Variants in RELN observed in about 807,000 individuals in gnomAD.
The protein encoded by RELN is reelin.
In RELN, 108 loss-of-function variants were observed where a neutral mutation model predicts 427.6. That is an observed-to-expected ratio of 0.25 (90% CI 0.22 to 0.30). The LOEUF is 0.30. Among genes scored for constraint, RELN ranks in the 10% least tolerant of loss-of-function variants. The pLI, the probability that RELN is intolerant of heterozygous loss-of-function variation, is 1.00. For synonymous variants in RELN, 1,524 were observed against 1,513.4 expected (o/e 1.01, Z -0.16); for missense variants, 3,715 against 4,302.8 (o/e 0.86, Z 3.82).
intron 2 of RELN, among the ~76,000 whole-genome samples, chr7:103,864,637 C>A (rs1039109890): frequency 4.6e-5 from 7 of 152,036 alleles, no homozygotes; most frequent in Middle Eastern, 3.2e-3. Context: ...CTTAAATAAG[C>A]AACCTAACTT....
In RELN at chr7:103,762,333, T is replaced by C. The variant is rs560693663; in HGVS notation, c.545-9119A>G. Among the ~76,000 whole-genome samples, 16 of 152,326 alleles carry C rather than the reference T, an allele frequency of 1.1e-4. No homozygotes were observed. The East Asian group carries it at 3.1e-3, about 29-fold the overall frequency. On this transcript the variant is annotated intron_variant, in intron 4 of 64. Coordinates refer to ENST00000428762, the MANE Select transcript of RELN (RefSeq NM_005045.4). ...TTCAAACTGGTTTATGACTAAGAAATAAACTTCTAGTCATTTAACCCACCC... is the reference window on the plus strand; with the variant it reads ...TTCAAACTGGTTTATGACTAAGAAACAAACTTCTAGTCATTTAACCCACCC...
At chr7:103,530,821 C>T (rs569022879) in intron 46 of RELN, among the ~76,000 whole-genome samples, 1 of 152,330 alleles carries the variant, frequency 6.6e-6, no homozygotes, top group African/African-American at 2.4e-5. Context: ...TATCATCTCC[C>T]ATTTCTTGAT....
At chr7:103,874,195 T>C (rs1794420719) in intron 2 of RELN, among the ~76,000 whole-genome samples, 4 of 124,772 alleles carry the variant, frequency 3.2e-5, no homozygotes, top group Non-Finnish European at 7.0e-5. Flanking sequence ...TAGGTATTGA[T>C]GGGATGTATT....
At chr7:103,739,072 T>C (rs547736034) in intron 6 of RELN, among the ~76,000 whole-genome samples, 9 of 152,194 alleles carry the variant, frequency 5.9e-5, no homozygotes, top group Non-Finnish European at 1.3e-4. Flanking sequence ...CGAATGTTAA[T>C]AGTATTCAAT....
intron 3 of RELN, among the ~76,000 whole-genome samples, chr7:103,830,750 T>C (rs1793255110): frequency 6.6e-6 from 1 of 152,028 alleles, no homozygotes; most frequent in Admixed American, 6.6e-5. Flanking sequence ...TCTCCTGTAC[T>C]CTCTCACAAA....
chr7:103,754,467 G>T (rs1156582628), intron 4 of RELN, among the ~76,000 whole-genome samples: 1 of 151,904 alleles, frequency 6.6e-6, no homozygotes, highest in East Asian at 1.9e-4. Context: ...GAGTCACTCA[G>T]AGAGAATGTA....
At position 103,654,192 on chromosome 7, in the gene RELN, G is replaced by A; in HGVS notation, c.1455C>T (p.Asp485=). 6.2e-7 allele frequency: 1 copy of A among 1,609,468 alleles called. No individual in the cohort carries two copies. Among genetic ancestry groups the A allele is most frequent in the Non-Finnish European group, 8.5e-7 (1 of 1,176,382 alleles). The part of the protein sequence containing the change: ...RFYFVMGGIC[D]PGNSHENDII... ...TGTCATTTTCATGAGAATTTCCAGGGTCACAAATTCCTCCTGCACAAAACA... is the reference window on the plus strand; with the variant it reads ...TGTCATTTTCATGAGAATTTCCAGGATCACAAATTCCTCCTGCACAAAACA... Residue 485 remains aspartate, a synonymous_variant, in exon 13 of 65, where the codon GAC becomes GAT. Coordinates refer to ENST00000428762, the MANE Select transcript of RELN (RefSeq NM_005045.4).
intron 47 of RELN, among the ~76,000 whole-genome samples, chr7:103,522,931 C>T: frequency 6.6e-6 from 1 of 151,678 alleles, no homozygotes; most frequent in Non-Finnish European, 1.5e-5. Context: ...CATCAAATAC[C>T]TCTGGTAAAT....
chr7:103,925,559 A>C (rs1795713783), intron 1 of RELN, among the ~76,000 whole-genome samples: 1 of 152,146 alleles, frequency 6.6e-6, no homozygotes, highest in African/African-American at 2.4e-5. Context: ...TTGGCCCTGC[A>C]CTCAATAAAT....
intron 1 of RELN, among the ~76,000 whole-genome samples, chr7:103,928,775 C>A (rs1037237527): frequency 6.6e-5 from 10 of 152,118 alleles, no homozygotes; most frequent in African/African-American, 1.9e-4. Flanking sequence ...AGGACTGAAA[C>A]CAATCCAGAA....
chr7:103,933,509 G>A (rs975147304), intron 1 of RELN, among the ~76,000 whole-genome samples: 1 of 146,830 alleles, frequency 6.8e-6, no homozygotes, highest in African/African-American at 2.5e-5. Context: ...GAGGGAGGGA[G>A]GGAGGGAGGG....
chr7:103,496,599 C>G lies in RELN; in HGVS notation c.9120G>C (p.Gln3040His), dbSNP rs1405792556. The G allele has an allele frequency of 1.2e-6, 2 of 1,614,174 alleles. No individual in the cohort carries two copies. The highest frequency in any genetic ancestry group is 1.7e-6 in the Non-Finnish European group (2 of 1,180,018). Residue 3040 changes from glutamine (Q) to histidine (H), a missense_variant, in exon 56 of 65, where the codon CAG becomes CAC. Gln to His is a conservative substitution (Grantham distance 24). Transcript: ENST00000428762. ...GIVVSGVERA[Q>H]WALDNILIGG... is the part of the protein sequence containing the mutation. ...CAATCAAAATGTTGTCCAGTGCCCA[C>G]TGAGCACGCTCCACCCCAGAGACCA...
rs777695492 is a variant in RELN, at chr7:103,700,889, ATACTT to A, written c.902+16_902+20del. On this transcript the variant is annotated intron_variant, in intron 9 of 64. Transcript: ENST00000428762. ...TCCATCTATGTCAGAATTTATGAAA[ATACTT>A]TAAATTACAACAAACCTAATTTTCT... The A allele has an allele frequency of 7.0e-7, 1 of 1,433,304 alleles. No homozygotes were observed. 88.8% of individuals were successfully genotyped at this position (1,433,304 alleles called of 1,614,324 possible). A position where few individuals can be genotyped will look rare whatever the true frequency, so the allele number is the denominator to read the frequency against.
intron 3 of RELN, among the ~76,000 whole-genome samples, chr7:103,816,739 T>C (rs1792880832): frequency 6.6e-6 from 1 of 152,214 alleles, no homozygotes; most frequent in East Asian, 1.9e-4. Context: ...ACAATGACAC[T>C]GATTTCTTGA....
intron 3 of RELN, among the ~76,000 whole-genome samples, chr7:103,788,257 C>A (rs1375478700): frequency 1.3e-5 from 2 of 152,278 alleles, no homozygotes; most frequent in Non-Finnish European, 2.9e-5. Context: ...AAACTGGAAG[C>A]ATTCCCTTTG....
At chr7:103,689,960 A>C (rs1833839937) in intron 10 of RELN, among the ~76,000 whole-genome samples, 1 of 152,112 alleles carries the variant, frequency 6.6e-6, no homozygotes, top group Admixed American at 6.6e-5. Context: ...TAGATGTTTC[A>C]AGAGTGACTG....
chr7:103,970,444 C>G (rs983543809), intron 1 of RELN, among the ~76,000 whole-genome samples: 1 of 152,132 alleles, frequency 6.6e-6, no homozygotes, highest in South Asian at 2.1e-4. Context: ...CACTCCCGGC[C>G]TCTCATTATT....
intron 2 of RELN, among the ~76,000 whole-genome samples, chr7:103,909,697 A>G (rs1440453581): frequency 1.6e-5 from 1 of 64,490 alleles, no homozygotes; most frequent in Non-Finnish European, 2.6e-5. Context: ...AAATATATAT[A>G]TTTAATATAT....
chr7:103,643,893 C>T (rs963475914), intron 16 of RELN, among the ~76,000 whole-genome samples: 5 of 151,946 alleles, frequency 3.3e-5, no homozygotes, highest in South Asian at 2.1e-4. Context: ...AGGCATGTGC[C>T]ATGCCTGACT....
Sources: gnomAD v4.1 joint callset for allele counts (sites outside exome capture counted in the v4.1 genomes callset) on GRCh38, gnomAD v4.1.1 for gene constraint, MANE v1.5 for transcripts, NCBI Gene and HGNC (gene_info 2026-07-23, HGNC 2026-07-21) for gene names.